Variants in RAPGEF5 observed in about 807,000 individuals in gnomAD.
The protein encoded by RAPGEF5 is M-Ras-regulated GEF.
A neutral mutation model predicts 125.2 loss-of-function variants in RAPGEF5; 65 were observed. The observed-to-expected ratio is 0.52, with a 90% CI of 0.43 to 0.64. The LOEUF is 0.64. RAPGEF5 is among the 30% of genes least tolerant of loss of function. The pLI is 0.00. For missense variants in RAPGEF5, 958 were observed against 1,048.1 expected (o/e 0.91, Z 1.19); for synonymous variants, 391 against 385.9 (o/e 1.01, Z -0.16).
At chr7:22,355,362 T>A (rs1267086771) in intron 1 of RAPGEF5, among the ~76,000 whole-genome samples, 1 of 152,242 alleles carries the variant, frequency 6.6e-6, no homozygotes, top group Non-Finnish European at 1.5e-5. Context: ...TGTCGCAGAC[T>A]GCCTGGCAGC....
At chr7:22,296,073 G>A (rs1290565535) in intron 5 of RAPGEF5, among the ~76,000 whole-genome samples, 1 of 152,108 alleles carries the variant, frequency 6.6e-6, no homozygotes, top group African/African-American at 2.4e-5. Context: ...GTGGTAAGAG[G>A]AGACAGGGAC....
intron 7 of RAPGEF5, among the ~76,000 whole-genome samples, chr7:22,250,547 A>G (rs1786593391): frequency 6.6e-6 from 1 of 152,144 alleles, no homozygotes; most frequent in Admixed American, 6.5e-5. Flanking sequence ...TGTTTATCCA[A>G]TTAGACTTTT....
chr7:22,193,531 T>C (rs776347047), intron 10 of RAPGEF5, 76 bp from the exon 11 acceptor site: 32 of 1,552,308 alleles, frequency 2.1e-5, no homozygotes, highest in Non-Finnish European at 2.7e-5. Flanking sequence ...ATCGTCCTCA[T>C]CCTCCTCGTC....
At chr7:22,163,391 T>C (rs1024861250) in intron 12 of RAPGEF5, among the ~76,000 whole-genome samples, 3 of 152,192 alleles carry the variant, frequency 2.0e-5, no homozygotes, top group African/African-American at 7.2e-5. Context: ...ACAGAGAATA[T>C]GCACAATGTA....
At chr7:22,218,197 T>C (rs767108422) in intron 9 of RAPGEF5, among the ~76,000 whole-genome samples, 1 of 152,180 alleles carries the variant, frequency 6.6e-6, no homozygotes, top group East Asian at 1.9e-4. Context: ...TATAATCTCA[T>C]TGGCCGTGAC....
chr7:22,333,780 G>T (rs1783971295), intron 1 of RAPGEF5, among the ~76,000 whole-genome samples: 1 of 152,230 alleles, frequency 6.6e-6, no homozygotes, highest in Non-Finnish European at 1.5e-5. Flanking sequence ...ACTATTGTTT[G>T]GAAAAGGTAT....
At chr7:22,278,138 T>C (rs1298893650) in intron 6 of RAPGEF5, among the ~76,000 whole-genome samples, 1 of 152,182 alleles carries the variant, frequency 6.6e-6, no homozygotes, top group Non-Finnish European at 1.5e-5. Context: ...TACAACTTTC[T>C]CCTGTTGTAC....
chr7:22,346,148 T>G (rs1784220689), intron 1 of RAPGEF5, among the ~76,000 whole-genome samples: 1 of 152,130 alleles, frequency 6.6e-6, no homozygotes, highest in African/African-American at 2.4e-5. Flanking sequence ...GAACAAGAAA[T>G]AAAACCTGAT....
At chr7:22,276,586 C>T (rs745964180) in intron 6 of RAPGEF5, among the ~76,000 whole-genome samples, 8 of 152,158 alleles carry the variant, frequency 5.3e-5, no homozygotes, top group South Asian at 2.1e-4. Flanking sequence ...CTCAGATTAG[C>T]GAAGACTGTT....
At chr7:22,192,430 G>C (rs1038400336) in intron 11 of RAPGEF5, 1 of 152,152 alleles carries the variant, frequency 6.6e-6, no homozygotes, top group African/African-American at 2.4e-5. Flanking sequence ...AAACTCCAGG[G>C]ACACAAGGAA....
At chr7:22,229,921 C>A (rs575439620) in intron 8 of RAPGEF5, among the ~76,000 whole-genome samples, 1 of 152,298 alleles carries the variant, frequency 6.6e-6, no homozygotes, top group South Asian at 2.1e-4. Flanking sequence ...CTCTGTATGT[C>A]CTACAGATAC....
intron 24 of RAPGEF5, among the ~76,000 whole-genome samples, chr7:22,129,393 C>T (rs1232842592): frequency 1.3e-5 from 2 of 152,150 alleles, no homozygotes; most frequent in African/African-American, 4.8e-5. Context: ...CACACCTCAT[C>T]CCACATCTTC....
chr7:22,236,911 C>T (rs1019103536), intron 7 of RAPGEF5, among the ~76,000 whole-genome samples: 1 of 152,210 alleles, frequency 6.6e-6, no homozygotes, highest in Non-Finnish European at 1.5e-5. Context: ...CTGTGATCCC[C>T]ACTCTATTGA....
chr7:22,187,313 G>C (rs879547191), intron 11 of RAPGEF5, among the ~76,000 whole-genome samples: 1 of 152,150 alleles, frequency 6.6e-6, no homozygotes, highest in Non-Finnish European at 1.5e-5. Context: ...ATACTTTAGA[G>C]ATCATTTCAT....
chr7:22,136,100 T>A lies in RAPGEF5; in HGVS notation c.2354A>T (p.Tyr785Phe). The change falls in exon 23 of 26, where the codon TAC (tyrosine) becomes TTC (phenylalanine). Residue 785 changes from tyrosine (Y) to phenylalanine (F), a missense_variant. Transcript: ENST00000665637. ...LTDPSLNHKA[Y>F]RDAFKKMKPP... ...CTTCATCTTTTTGAATGCATCTCTG[T>A]AGGCTTTGTGATTTAGGGAAGGATC... 1 of 1,612,476 alleles carries A rather than the reference T, an allele frequency of 6.2e-7. No individual in the cohort carries two copies. Among genetic ancestry groups the A allele is most frequent in the East Asian group, 2.2e-5 (1 of 44,802 alleles).
At position 22,145,004 on chromosome 7, in the gene RAPGEF5, G is replaced by C. The variant is rs1783386982; in HGVS notation, c.2186+40C>G. The C allele has an allele frequency of 6.3e-6, 10 of 1,590,326 alleles. 1 individual carries two copies. In the Admixed American group the frequency reaches 1.4e-4, roughly 22 times the overall value. ...AAAGAAGAACAATGTACTCTCTCAA[G>C]AAGACTAGAGGAATGGCACTTCTCA... is the stretch of plus-strand genomic sequence containing the variant. On this transcript the variant is annotated intron_variant, in intron 20 of 25. Transcript: ENST00000665637.
chr7:22,140,078 T>C lies in RAPGEF5; in HGVS notation c.2224A>G (p.Ile742Val), dbSNP rs761685325. The change falls in exon 21 of 26, where the codon ATT (isoleucine) becomes GTT (valine). Residue 742 changes from isoleucine (I) to valine (V), a missense_variant. Coordinates refer to ENST00000665637, the MANE Select transcript of RAPGEF5 (RefSeq NM_012294.5). ...GAAGCAGTGTTGAGACCCATCACAA[T>C]GGCAAAGAAAGAATTCAGGTTTCTC... Reference protein sequence around the residue: ...AQRNLNSFFAIVMGLNTASVS... With the variant: ...AQRNLNSFFAVVMGLNTASVS... 1.2e-5 allele frequency: 19 copies of C among 1,565,664 alleles called. No homozygotes were observed. Among genetic ancestry groups the C allele is most frequent in the Non-Finnish European group, 1.5e-5 (17 of 1,154,844 alleles).
At chr7:22,188,545 T>C (rs957269172) in intron 11 of RAPGEF5, among the ~76,000 whole-genome samples, 1 of 152,004 alleles carries the variant, frequency 6.6e-6, no homozygotes, top group Non-Finnish European at 1.5e-5. Context: ...GGTGGGTGGA[T>C]CACGAGGTCA....
At chr7:22,224,256 T>C (rs1161260741) in intron 8 of RAPGEF5, among the ~76,000 whole-genome samples, 1 of 152,208 alleles carries the variant, frequency 6.6e-6, no homozygotes, top group Non-Finnish European at 1.5e-5. Flanking sequence ...GGTAAATATA[T>C]GGGCCTATCA....
Sources: allele counts gnomAD v4.1 joint callset (sites outside exome capture counted in the v4.1 genomes callset), GRCh38; gene constraint gnomAD v4.1.1; transcripts MANE v1.5; gene names NCBI Gene and HGNC (gene_info 2026-07-23, HGNC 2026-07-21).